Variants in RELN observed in about 807,000 individuals in gnomAD.
RELN encodes the protein reelin.
A neutral mutation model predicts 427.6 loss-of-function variants in RELN; 108 were observed. That is an observed-to-expected ratio of 0.25 (90% CI 0.22 to 0.30). The LOEUF (loss-of-function observed/expected upper bound fraction) is 0.30. RELN is among the 10% of genes least tolerant of loss of function. The probability of loss-of-function intolerance (pLI) is 1.00; values close to 1 mark genes in which losing one functional copy is unlikely to be tolerated. For missense variants in RELN, 3,715 were observed against 4,302.8 expected, an observed-to-expected ratio of 0.86 and a Z score of 3.82; for synonymous variants, 1,524 against 1,513.4, an observed-to-expected ratio of 1.01 and a Z score of -0.16.
At chr7:103,539,508 T>C in intron 44 of RELN, 181 bp from the exon 45 acceptor site, 1 of 637,656 alleles carries the variant, frequency 1.6e-6, no homozygotes. Flanking sequence ...TGCTTGCCCA[T>C]CTGGCAAGAA....
At chr7:103,708,464 C>CTTTTTT (rs745955015) in intron 8 of RELN, among the ~76,000 whole-genome samples, 4 of 110,102 alleles carry the variant, frequency 3.6e-5, no homozygotes, top group Admixed American at 9.3e-5. Flanking sequence ...GGGTATGACT[C>CTTTTTT]TTTTTTTTTT....
intron 11 of RELN, among the ~76,000 whole-genome samples, chr7:103,674,690 G>C (rs1833473932): frequency 6.6e-6 from 1 of 152,092 alleles, no homozygotes; most frequent in African/African-American, 2.4e-5. Context: ...TATCCACCAT[G>C]ATCAAGTTGG....
At chr7:103,804,906 A>G (rs1317470145) in intron 3 of RELN, among the ~76,000 whole-genome samples, 1 of 152,176 alleles carries the variant, frequency 6.6e-6, no homozygotes, top group Non-Finnish European at 1.5e-5. Context: ...AATGTGGGGA[A>G]GTAAACAAAT....
At chr7:103,931,659 G>T (rs1377968504) in intron 1 of RELN, among the ~76,000 whole-genome samples, 3 of 152,208 alleles carry the variant, frequency 2.0e-5, no homozygotes. Context: ...TTGCTTTCCT[G>T]CCAATTTTGT....
chr7:103,496,908 T>G (rs1828858935), intron 55 of RELN, 140 bp from the exon 56 acceptor site: 2 of 862,924 alleles, frequency 2.3e-6, no homozygotes, highest in Non-Finnish European at 3.7e-6. Context: ...CTGACTTTGA[T>G]ATTAGGTATT....
At chr7:103,719,511 G>A (rs147100560) in intron 8 of RELN, among the ~76,000 whole-genome samples, 1 of 152,224 alleles carries the variant, frequency 6.6e-6, no homozygotes, top group African/African-American at 2.4e-5. Flanking sequence ...CTGTAAAAAC[G>A]TTCTGTTTTC....
At chr7:103,514,708 T>C (rs1043748873) in intron 50 of RELN, among the ~76,000 whole-genome samples, 27 of 152,184 alleles carry the variant, frequency 1.8e-4, no homozygotes, top group African/African-American at 5.5e-4. Context: ...CCAATATCAT[T>C]GAATACCCCT....
chr7:103,645,907 T>A (rs1201803975), intron 16 of RELN, among the ~76,000 whole-genome samples: 7 of 151,876 alleles, frequency 4.6e-5, no homozygotes, highest in African/African-American at 1.4e-4. Flanking sequence ...CAATAAATTT[T>A]AAGAAATCAA....
chr7:103,681,820 T>G (rs184417587), intron 11 of RELN, among the ~76,000 whole-genome samples: 2 of 152,146 alleles, frequency 1.3e-5, no homozygotes, highest in Non-Finnish European at 2.9e-5. Context: ...TTGTATTCTA[T>G]AAACATTGGG....
chr7:103,559,350 C>T (rs996831586), intron 36 of RELN, among the ~76,000 whole-genome samples: 8 of 152,106 alleles, frequency 5.3e-5, no homozygotes, highest in East Asian at 1.9e-4. Context: ...GTAATGAAAA[C>T]GCAACTGCAT....
intron 31 of RELN, among the ~76,000 whole-genome samples, chr7:103,566,982 T>A (rs1388164815): frequency 1.3e-5 from 2 of 151,848 alleles, no homozygotes; most frequent in Non-Finnish European, 2.9e-5. Flanking sequence ...TAAGCTCTTA[T>A]AAGACTGCTC....
chr7:103,755,607 CAA>C (rs1162038018), intron 4 of RELN, among the ~76,000 whole-genome samples: 6 of 53,912 alleles, frequency 1.1e-4, no homozygotes, highest in Non-Finnish European at 1.8e-4. Flanking sequence ...GACTCTGTCT[CAA>C]AAAAAAAATA....
intron 2 of RELN, among the ~76,000 whole-genome samples, chr7:103,904,822 A>G (rs1183121219): frequency 6.6e-6 from 1 of 152,160 alleles, no homozygotes; most frequent in African/African-American, 2.4e-5. Context: ...TAATATTAAA[A>G]TATATTCCCA....
At chr7:103,817,695 C>T (rs1792908441) in intron 3 of RELN, among the ~76,000 whole-genome samples, 1 of 151,744 alleles carries the variant, frequency 6.6e-6, no homozygotes, top group African/African-American at 2.4e-5. Flanking sequence ...GCCTGTAATC[C>T]CAGCACTTTG....
At chr7:103,621,742 G>T (rs188657162) in intron 20 of RELN, among the ~76,000 whole-genome samples, 6 of 152,320 alleles carry the variant, frequency 3.9e-5, no homozygotes, top group Admixed American at 3.3e-4. Flanking sequence ...TAGGCTGGGT[G>T]CAGTGGCTCA....
intron 3 of RELN, among the ~76,000 whole-genome samples, chr7:103,809,761 T>C (rs916643587): frequency 2.6e-5 from 4 of 152,164 alleles, no homozygotes; most frequent in Admixed American, 6.6e-5. Flanking sequence ...AGAAAGTTAA[T>C]AGATAATGTC....
intron 6 of RELN, among the ~76,000 whole-genome samples, chr7:103,742,497 C>T (rs1452782098): frequency 1.3e-5 from 2 of 151,998 alleles, no homozygotes; most frequent in Non-Finnish European, 2.9e-5. Context: ...AAACCAATGG[C>T]AAAGAAGTTA....
Position 103,872,565 on chromosome 7 carries a change from T to C in RELN, c.338-38893A>G, listed in dbSNP as rs924859390. 1.7e-3 allele frequency among the ~76,000 whole-genome samples: 224 copies of C among 135,112 alleles called. 19 individuals carry two copies. The highest frequency in any genetic ancestry group is 5.6e-3 in the African/African-American group (214 of 38,406). The allele number at this position is 135,112 out of a possible 152,430, so 88.6% of individuals were successfully genotyped here. On this transcript the variant is annotated intron_variant, in intron 2 of 64. Coordinates refer to ENST00000428762, the MANE Select transcript of RELN (RefSeq NM_005045.4). ...TTATAGCGGCATGATTTATAGTCATTTGGGTATATACCCAGTAATGGGATG... is the reference window on the plus strand; with the variant it reads ...TTATAGCGGCATGATTTATAGTCATCTGGGTATATACCCAGTAATGGGATG...
chr7:103,635,487 A>T lies in RELN; in HGVS notation c.2403T>A (p.Tyr801Ter). 1.9e-6 allele frequency: 3 copies of T among 1,613,918 alleles called. No homozygotes were observed. Among genetic ancestry groups the T allele is most frequent in the Non-Finnish European group, 2.5e-6 (3 of 1,179,812 alleles). Residue 801 changes from tyrosine to a stop codon, truncating the protein, a stop_gained, in exon 19 of 65, where the codon TAT (tyrosine) becomes TAA (stop). Coordinates refer to ENST00000428762, the MANE Select transcript of RELN (RefSeq NM_005045.4). LOFTEE classifies it high-confidence loss of function. ...GGAGTTTCCAAGTTATCCCATTATC[A>T]TAAGAATAATGCAACAAAACTCCTT... ...PGEGVLLHYSYDNGITWKLLE... is the reference protein window; with the variant it reads ...PGEGVLLHYS
Sources: gnomAD v4.1 joint callset for allele counts (sites outside exome capture counted in the v4.1 genomes callset) on GRCh38, gnomAD v4.1.1 for gene constraint, MANE v1.5 for transcripts, NCBI Gene and HGNC (gene_info 2026-07-23, HGNC 2026-07-21) for gene names.